Variants in ZNF800 observed in about 807,000 individuals in gnomAD.
ZNF800 encodes the protein zinc finger protein 800.
ZNF800 carries 13 observed loss-of-function variants against 59.5 expected under a neutral mutation model. The ratio of observed to expected loss-of-function variants is 0.22; its 90% CI spans 0.14 to 0.35. The LOEUF (loss-of-function observed/expected upper bound fraction) is 0.35. Ranked by LOEUF, ZNF800 falls within the 10% of genes least tolerant of loss-of-function variation. The pLI is 1.00. For missense variants in ZNF800, 621 were observed against 783.7 expected, an observed-to-expected ratio of 0.79 and a Z score of 2.48; for synonymous variants, 266 against 265.7, an observed-to-expected ratio of 1.00 and a Z score of -0.01.
At chr7:127,350,965 G>C (rs562794367) in intron 1 of ZNF800, among the ~76,000 whole-genome samples, 1 of 152,282 alleles carries the variant, frequency 6.6e-6, no homozygotes, top group African/African-American at 2.4e-5. Flanking sequence ...TTCTTAAATG[G>C]AGTTCTCCTT....
chr7:127,353,041 T>C (rs1228908368), intron 1 of ZNF800, among the ~76,000 whole-genome samples: 3 of 151,974 alleles, frequency 2.0e-5, no homozygotes, highest in South Asian at 2.1e-4. Flanking sequence ...AGTGGTTTTT[T>C]CCCCCCAATG....
chr7:127,374,655 A>G lies in ZNF800; in HGVS notation c.681T>C (p.Gly227=). ...TACAAAGACAACATATCAACTGGTG[A>G]CCAAAATCAGAATTGTCAGAAGTTT... ...DLETSDNSDF[G]HQLICCLCRK... Residue 227 remains glycine, a synonymous_variant, in exon 5 of 6, where the codon GGT becomes GGC. Coordinates refer to ENST00000265827, the MANE Select transcript of ZNF800 (RefSeq NM_176814.5). 1 of 1,613,990 alleles carries G rather than the reference A, an allele frequency of 6.2e-7. No homozygotes were observed. The highest frequency in any genetic ancestry group is 2.2e-5 in the East Asian group (1 of 44,882).
chr7:127,350,362 A>G (rs1023591476), intron 1 of ZNF800: 3 of 152,212 alleles, frequency 2.0e-5, no homozygotes. Flanking sequence ...AATTTAGAAA[A>G]TTCTGACTGT....
rs973100045 is a variant in ZNF800 at position 127,377,342 on chromosome 7, A to G, written c.158-13T>C. 3.2e-6 allele frequency: 5 copies of G among 1,580,476 alleles called. No homozygotes were observed. Among genetic ancestry groups the G allele is most frequent in the African/African-American group, 1.4e-5 (1 of 73,148 alleles). On this transcript the variant is annotated splice_polypyrimidine_tract_variant and intron_variant, in intron 3 of 5. Coordinates refer to ENST00000265827, the MANE Select transcript of ZNF800 (RefSeq NM_176814.5). This position sits in a 1 kb window ranked among gnomAD's most constrained non-coding sequence, Gnocchi z 4.7. ...AGTTGTTTAGTTCCTGAGAGAAAAA[A>G]GAAAAGAAAAACTTAACACAAAAGG... is the stretch of plus-strand genomic sequence containing the variant.
chr7:127,352,388 G>GT (rs34794944), intron 1 of ZNF800, among the ~76,000 whole-genome samples: 21,926 of 152,188 alleles, frequency 0.14, 1,666 homozygotes, highest in Admixed American at 0.2. Context: ...TAATACCTCT[G>GT]TAAGAAAAGA....
At chr7:127,371,934 T>TA (rs991664064) in intron 5 of ZNF800, 120 bp from the exon 6 acceptor site, 170 of 597,014 alleles carry the variant, frequency 2.8e-4, no homozygotes, top group Non-Finnish European at 3.9e-4. Context: ...TCCACACAAA[T>TA]AAAAAAACGT....
Position 127,374,150 on chromosome 7 carries a change from CT to C in ZNF800, c.1185del (p.Gly396AlafsTer11). 6.2e-7 allele frequency: 1 copy of C among 1,613,246 alleles called. No individual in the cohort carries two copies. Among genetic ancestry groups the C allele is most frequent in the Admixed American group, 1.7e-5 (1 of 59,770 alleles). Reference protein sequence around the residue: ...TLSGTNSKREKGPNNTANSSE... With the variant: ...TLSGTNSKREXGPNNTANSSE... ...GAACTGTTGGCAGTATTATTAGGGC[CT>C]TTTTCTCTTTTAGAGTTTGTTCCAG... On this transcript the variant is annotated frameshift_variant, in exon 5 of 6. Coordinates refer to ENST00000265827, the MANE Select transcript of ZNF800 (RefSeq NM_176814.5). LOFTEE classifies it high-confidence loss of function.
chr7:127,380,580 A>G (rs1018824295), intron 3 of ZNF800, among the ~76,000 whole-genome samples: 1 of 152,180 alleles, frequency 6.6e-6, no homozygotes, highest in Non-Finnish European at 1.5e-5. Flanking sequence ...CTTCAAAGTC[A>G]GCTACCATTT....
chr7:127,391,660 G>A, intron 1 of ZNF800, 45 bp from the exon 2 acceptor site: 1 of 1,021,778 alleles, frequency 9.8e-7, no homozygotes, highest in Non-Finnish European at 1.5e-6. Context: ...GAACTTCCTG[G>A]GGGGCACTGG....
intron 2 of ZNF800, among the ~76,000 whole-genome samples, chr7:127,389,967 CTTT>C (rs1318591603): frequency 2.0e-5 from 3 of 152,120 alleles, no homozygotes; most frequent in South Asian, 2.1e-4. Flanking sequence ...TTGTTTACTT[CTTT>C]ATGTTTATCT....
At chr7:127,367,152 A>G (rs1800526762), downstream of ZNF800, among the ~76,000 whole-genome samples, 1 of 152,080 alleles carries the variant, frequency 6.6e-6, no homozygotes, top group Non-Finnish European at 1.5e-5. Flanking sequence ...CTCATTTTGT[A>G]ACACCTACCT....
At chr7:127,382,297 C>G (rs1801000169) in intron 3 of ZNF800, among the ~76,000 whole-genome samples, 1 of 152,090 alleles carries the variant, frequency 6.6e-6, no homozygotes, top group Non-Finnish European at 1.5e-5. Context: ...CTCTAGCACA[C>G]AACTAAGAAA....
At chr7:127,384,792 C>A (rs1429994754) in intron 3 of ZNF800, among the ~76,000 whole-genome samples, 2 of 152,026 alleles carry the variant, frequency 1.3e-5, no homozygotes, top group Admixed American at 6.5e-5. Context: ...AAGTAAAATT[C>A]TATTTTAATT....
Position 127,391,087 on chromosome 7 carries a change from C to T in ZNF800, c.61+410G>A, listed in dbSNP as rs151307873. On this transcript the variant is annotated intron_variant, in intron 2 of 5. Transcript: ENST00000265827. The stretch of plus-strand genomic sequence containing the variant: ...ACTCACTTTTAGACTTTCAGAACTA[C>T]TTGCTGATTAAAATGCCTAAGAAAC... Among the ~76,000 whole-genome samples the T allele has an allele frequency of 6.6e-4, 100 of 152,312 alleles. 1 individual carries two copies. In the East Asian group the frequency reaches 0.017, roughly 25 times the overall value.
At chr7:127,362,719 G>A (rs970581561) in intron 1 of ZNF800, 2 of 152,106 alleles carry the variant, frequency 1.3e-5, no homozygotes, top group African/African-American at 4.8e-5. Context: ...GATGACAGTA[G>A]GAAAGGAACA....
chr7:127,352,287 T>C (rs1378885418), intron 1 of ZNF800, among the ~76,000 whole-genome samples: 1 of 152,216 alleles, frequency 6.6e-6, no homozygotes, highest in African/African-American at 2.4e-5. Flanking sequence ...ACTTACTGTA[T>C]ACCAGGAATT....
downstream of ZNF800, among the ~76,000 whole-genome samples, chr7:127,368,713 C>A (rs1043673975): frequency 6.6e-6 from 1 of 152,122 alleles, no homozygotes; most frequent in Non-Finnish European, 1.5e-5. Flanking sequence ...TTTACCATAA[C>A]ACCTACAGGG....
At chr7:127,360,125 C>A (rs1800366772) in intron 1 of ZNF800, 1 of 152,008 alleles carries the variant, frequency 6.6e-6, no homozygotes, top group Non-Finnish European at 1.5e-5. Context: ...GTTTGAGGTT[C>A]TTTGGTTTAT....
At position 127,370,056 on chromosome 7, in the gene ZNF800, A is replaced by G. The variant is rs1191404186; in HGVS notation, c.*1758T>C. ...ATAACACCTTGCAAAAGTCAAACAT[A>G]TAGGTTTAATAATGTGCAACTAATG... On this transcript the variant is annotated 3_prime_UTR_variant, in exon 6 of 6. Transcript: ENST00000265827. 3 of 152,120 alleles carry G rather than the reference A, an allele frequency of 2.0e-5. No homozygotes were observed. The highest frequency in any genetic ancestry group is 7.2e-5 in the African/African-American group (3 of 41,432). 9.4% of individuals were successfully genotyped at this position (152,120 alleles called of 1,614,324 possible).
Sources: allele counts gnomAD v4.1 joint callset (sites outside exome capture counted in the v4.1 genomes callset), GRCh38; gene constraint gnomAD v4.1.1; non-coding constraint Gnocchi (gnomAD v3.1); transcripts MANE v1.5; gene names NCBI Gene and HGNC (gene_info 2026-07-23, HGNC 2026-07-21).